Variants in KLHL23 observed in about 807,000 individuals in gnomAD.
KLHL23 encodes the protein kelch-like protein 23.
A neutral mutation model predicts 48.9 loss-of-function variants in KLHL23; 33 were observed. That is an observed-to-expected ratio of 0.67 (90% CI 0.51 to 0.90). The LOEUF (loss-of-function observed/expected upper bound fraction) is 0.90. Among genes scored for constraint, KLHL23 ranks in the 40% least tolerant of loss-of-function variants. The pLI is 0.00. For missense variants in KLHL23, 608 were observed against 669.6 expected (o/e 0.91, Z 1.02); for synonymous variants, 234 against 231.6 (o/e 1.01, Z -0.09).
intron 3 of KLHL23, among the ~76,000 whole-genome samples, chr2:169,747,079 C>T (rs1688807033): frequency 6.6e-6 from 1 of 152,060 alleles, no homozygotes. Flanking sequence ...TAAGACTTTC[C>T]TTAGCTGTCA....
chr2:169,745,164 G>A (rs569612696), intron 3 of KLHL23, among the ~76,000 whole-genome samples: 97 of 151,474 alleles, frequency 6.4e-4, no homozygotes, highest in Middle Eastern at 3.4e-3. Context: ...TCATCCACCC[G>A]CCTCAGCCTC....
rs1474361586 is a variant in KLHL23 at position 169,749,479 on chromosome 2, C to T, written c.1424C>T (p.Thr475Ile). The part of the protein sequence containing the change: ...ENKLYLVGGQ[T>I]TITECYDPEQ... ...AAGCTCTATCTAGTCGGCGGACAAA[C>T]TACAATCACAGAATGCTATGACCCT... The change falls in exon 4 of 4, where the codon ACT becomes ATT. Residue 475 changes from threonine to isoleucine, a missense_variant. By Grantham distance (89) the Thr-to-Ile change is moderately conservative. Around this residue, in one of 3 missense-constraint regions of KLHL23, gnomAD observed 179 missense variants for 169.9 expected, o/e 1.05. Coordinates refer to ENST00000392647, the MANE Select transcript of KLHL23 (RefSeq NM_144711.6). 3.7e-6 allele frequency: 6 copies of T among 1,613,906 alleles called. No individual in the cohort carries two copies. The highest frequency in any genetic ancestry group is 5.1e-6 in the Non-Finnish European group (6 of 1,179,966).
chr2:169,737,076 A>G (rs61286727), intron 2 of KLHL23, among the ~76,000 whole-genome samples: 19,107 of 152,146 alleles, frequency 0.13, 1,231 homozygotes, highest in Middle Eastern at 0.23. Context: ...AACTGCCTGC[A>G]TCCAGATCCC....
intron 3 of KLHL23, among the ~76,000 whole-genome samples, chr2:169,742,214 C>T (rs767961261): frequency 1.3e-5 from 2 of 152,202 alleles, no homozygotes; most frequent in Non-Finnish European, 2.9e-5. Flanking sequence ...CATCGTACCA[C>T]CATGTTACCT....
intron 2 of KLHL23, among the ~76,000 whole-genome samples, chr2:169,738,688 A>G (rs1277819136): frequency 6.6e-6 from 1 of 152,080 alleles, no homozygotes; most frequent in East Asian, 1.9e-4. Context: ...ATTTTGGAAT[A>G]GAAAGGAACA....
At chr2:169,749,265 C>T (rs1038160037) in intron 3 of KLHL23, among the ~76,000 whole-genome samples, 157 bp from the exon 4 acceptor site, 2 of 152,138 alleles carry the variant, frequency 1.3e-5, no homozygotes, top group East Asian at 1.9e-4. Flanking sequence ...TGATTTTCAG[C>T]CTCAGCGTTG....
At position 169,745,753 on chromosome 2, in the gene KLHL23, G is replaced by T. The variant is rs183196188; in HGVS notation, c.1367-3669G>T. ...GAAGGAGAGAAAGGAGTTGACAGTCGTCTCAGGGTCTCTGGCCGGTTGTCT... is the reference window on the plus strand; with the variant it reads ...GAAGGAGAGAAAGGAGTTGACAGTCTTCTCAGGGTCTCTGGCCGGTTGTCT... On this transcript the variant is annotated intron_variant, in intron 3 of 3. Transcript: ENST00000392647. Among the ~76,000 whole-genome samples the T allele has an allele frequency of 3.3e-5, 5 of 152,258 alleles. No individual in the cohort carries two copies. In the South Asian group the frequency reaches 1.0e-3, roughly 32 times the overall value.
intron 2 of KLHL23, among the ~76,000 whole-genome samples, chr2:169,739,375 T>C (rs1411760254): frequency 6.6e-6 from 1 of 152,182 alleles, no homozygotes; most frequent in African/African-American, 2.4e-5. Flanking sequence ...CCAGATTCTT[T>C]GTTGGGCATC....
At position 169,736,178 on chromosome 2, in the gene KLHL23, C is replaced by G. The variant is rs776887852; in HGVS notation, c.1164C>G (p.Phe388Leu). The change falls in exon 2 of 4, where the codon TTC (phenylalanine) becomes TTG (leucine). Residue 388 changes from phenylalanine to leucine, a missense_variant. Physicochemically the swap from Phe to Leu is conservative, Grantham distance 22 (BLOSUM62 0). This residue lies in a region of KLHL23 where 419 missense variants were observed against 473.1 expected (regional missense o/e 0.89). Coordinates refer to ENST00000392647, the MANE Select transcript of KLHL23 (RefSeq NM_144711.6). Reference protein sequence around the residue: ...RKGAPAEEAEFYDPLKEKWIP... With the variant: ...RKGAPAEEAELYDPLKEKWIP... ...GGGCTCCAGCAGAAGAGGCTGAGTT[C>G]TATGATCCTTTAAAAGAGAAATGGA... 5 of 1,612,538 alleles carry G rather than the reference C, an allele frequency of 3.1e-6. No homozygotes were observed. Among genetic ancestry groups the G allele is most frequent in the Non-Finnish European group, 4.2e-6 (5 of 1,179,598 alleles).
rs151186019 is a variant in KLHL23 at position 169,735,971 on chromosome 2, A to C, written c.957A>C (p.Gly319=). The part of the protein sequence containing the change: ...TRESYGVTCL[G]PNIYVTGGYR... ...AGAGCTATGGTGTTACATGTTTAGG[A>C]CCCAACATTTATGTAACTGGGGGCT... Residue 319 remains glycine, a synonymous_variant, in exon 2 of 4, where the codon GGA becomes GGC. Transcript: ENST00000392647. The surrounding 1 kb of genome is among the most constrained non-coding windows in gnomAD (Gnocchi z 4.5). 2.5e-6 allele frequency: 4 copies of C among 1,614,148 alleles called. No homozygotes were observed. The highest frequency in any genetic ancestry group is 3.4e-6 in the Non-Finnish European group (4 of 1,180,014).
intron 1 of KLHL23, 61 bp from the exon 2 acceptor site, chr2:169,734,952 T>A: frequency 1.3e-6 from 2 of 1,498,018 alleles, no homozygotes; most frequent in Non-Finnish European, 1.8e-6. Flanking sequence ...TTATTTAGCG[T>A]TGATTATTTG....
At chr2:169,748,299 C>T (rs1688845569) in intron 3 of KLHL23, among the ~76,000 whole-genome samples, 1 of 152,166 alleles carries the variant, frequency 6.6e-6, no homozygotes, top group Non-Finnish European at 1.5e-5. Flanking sequence ...CGCAGCTGTG[C>T]AGAGACCTGG....
rs1231727424 is a variant in KLHL23 at position 169,735,505 on chromosome 2, C to A, written c.491C>A (p.Ser164Ter). ...LEKESRRILC[S>*]KFKEVWQQEE... ...AAGGAATCTCGAAGAATTCTATGTT[C>A]AAAGTTTAAGGAAGTGTGGCAACAA... The change falls in exon 2 of 4, where the codon TCA becomes TAA. Residue 164 changes from serine (S) to a stop codon, truncating the protein, a stop_gained. Transcript: ENST00000392647. LOFTEE classifies it high-confidence loss of function. The surrounding 1 kb of genome is among the most constrained non-coding windows in gnomAD (Gnocchi z 4.5). The A allele has an allele frequency of 9.3e-6, 15 of 1,613,774 alleles. No homozygotes were observed. The highest frequency in any genetic ancestry group is 1.3e-5 in the African/African-American group (1 of 74,892).
At chr2:169,749,231 C>A (rs180908521) in intron 3 of KLHL23, among the ~76,000 whole-genome samples, 191 bp from the exon 4 acceptor site, 17 of 152,180 alleles carry the variant, frequency 1.1e-4, no homozygotes, top group Admixed American at 6.5e-4. Context: ...CAGGAACAGG[C>A]GATCTGAATT....
chr2:169,747,370 C>A, intron 3 of KLHL23, among the ~76,000 whole-genome samples: 1 of 103,184 alleles, frequency 9.7e-6, no homozygotes, highest in Non-Finnish European at 1.8e-5. Context: ...GCCTGGGAGA[C>A]AGAGCGAGAC....
At chr2:169,747,502 G>T (rs913226836) in intron 3 of KLHL23, among the ~76,000 whole-genome samples, 1 of 139,928 alleles carries the variant, frequency 7.1e-6, no homozygotes, top group African/African-American at 2.7e-5. Context: ...GGGTCTCACC[G>T]TGTTGCCCAG....
chr2:169,743,601 A>G (rs1231696818), intron 3 of KLHL23, among the ~76,000 whole-genome samples: 1 of 152,192 alleles, frequency 6.6e-6, no homozygotes, highest in African/African-American at 2.4e-5. Context: ...AGTAAAAATC[A>G]TTATTTCTGT....
At position 169,736,035 on chromosome 2, in the gene KLHL23, A is replaced by T; in HGVS notation, c.1021A>T (p.Ile341Phe). Residue 341 changes from isoleucine to phenylalanine, a missense_variant, in exon 2 of 4, where the codon ATC becomes TTC. Physicochemically the swap from Ile to Phe is conservative, Grantham distance 21. This residue lies in a region of KLHL23 where 419 missense variants were observed against 473.1 expected (regional missense o/e 0.89). Transcript: ENST00000392647. The stretch of plus-strand genomic sequence containing the variant: ...CATAGAAGCTCTTGACACAGTGTGG[A>T]TCTATAACAGTGAAAGTGATGAATG... ...DNIEALDTVW[I>F]YNSESDEWTE... is the part of the protein sequence containing the mutation. 6.2e-7 allele frequency: 1 copy of T among 1,614,190 alleles called. No individual in the cohort carries two copies. The highest frequency in any genetic ancestry group is 2.2e-5 in the East Asian group (1 of 44,886).
At chr2:169,748,505 T>A (rs1237170674) in intron 3 of KLHL23, among the ~76,000 whole-genome samples, 3 of 151,978 alleles carry the variant, frequency 2.0e-5, no homozygotes, top group Admixed American at 2.0e-4. Context: ...AGCGGGTGTG[T>A]GGAAGAAAAC....
Sources: gnomAD v4.1 joint callset for allele counts (sites outside exome capture counted in the v4.1 genomes callset) on GRCh38, gnomAD v4.1.1 for gene constraint, gnomAD v4.1.1 regional missense constraint, Gnocchi (gnomAD v3.1) non-coding constraint, MANE v1.5 for transcripts, NCBI Gene and HGNC (gene_info 2026-07-23, HGNC 2026-07-21) for gene names.